DAGLB: variants seen among roughly 807,000 people sequenced by gnomAD.
The protein encoded by DAGLB is diacylglycerol lipase beta, also known as diacylglycerol lipase-beta.
A neutral mutation model predicts 72.1 loss-of-function variants in DAGLB; 66 were observed. The ratio of observed to expected loss-of-function variants is 0.92; its 90% confidence interval spans 0.75 to 1.12. The LOEUF (loss-of-function observed/expected upper bound fraction) is 1.12, where lower values mean the gene tolerates loss of function less well. Ranked by LOEUF, DAGLB falls within the 50% of genes most tolerant of loss-of-function variation. The probability of loss-of-function intolerance (pLI) is 0.00; values close to 1 mark genes in which losing one functional copy is unlikely to be tolerated. For missense variants in DAGLB, 1,065 were observed against 884.9 expected (o/e 1.20, Z -2.58); for synonymous variants, 414 against 359.5 (o/e 1.15, Z -1.71).
At position 6,423,306 on chromosome 7, in the gene DAGLB, T is replaced by C. The variant is rs893443661; in HGVS notation, c.1140+1446A>G. ...AGATGAGACTAGACAAGGACGGAGA[T>C]GGGAAGCTAGAGGACTGGGGCCAAA... On this transcript the variant is annotated intron_variant, in intron 8 of 14. Coordinates refer to ENST00000297056, the MANE Select transcript of DAGLB (RefSeq NM_139179.4). 3.3e-5 allele frequency among the ~76,000 whole-genome samples: 5 copies of C among 151,922 alleles called. No homozygotes were observed. The East Asian group carries it at 7.7e-4, about 23-fold the overall frequency.
chr7:6,422,999 A>G (rs1039720180), intron 8 of DAGLB, among the ~76,000 whole-genome samples: 1 of 152,246 alleles, frequency 6.6e-6, no homozygotes, highest in African/African-American at 2.4e-5. Context: ...CTTGGTGGAC[A>G]GGACAATGGA....
chr7:6,436,651 G>T, intron 2 of DAGLB, 118 bp from the exon 3 acceptor site: 2 of 1,261,810 alleles, frequency 1.6e-6, no homozygotes, highest in South Asian at 1.4e-5. Flanking sequence ...CCCGCCTCCT[G>T]ACTTTTTCTA....
At chr7:6,436,947 C>A (rs1348523624) in intron 2 of DAGLB, among the ~76,000 whole-genome samples, 1 of 151,790 alleles carries the variant, frequency 6.6e-6, no homozygotes, top group Non-Finnish European at 1.5e-5. Context: ...GTCAGGAGTT[C>A]GAGACCAGCC....
At chr7:6,433,755 G>T (rs757543031) in intron 4 of DAGLB, among the ~76,000 whole-genome samples, 23 of 151,798 alleles carry the variant, frequency 1.5e-4, no homozygotes, top group Non-Finnish European at 3.1e-4. Context: ...TACTCAGTAC[G>T]CTGAGGCAGG....
intron 11 of DAGLB, among the ~76,000 whole-genome samples, chr7:6,414,953 G>C: frequency 6.6e-6 from 1 of 152,000 alleles, no homozygotes. Context: ...AGGATCACTT[G>C]AGCCCAGGAG....
intron 2 of DAGLB, among the ~76,000 whole-genome samples, chr7:6,445,310 G>T (rs1372539781): frequency 6.6e-6 from 1 of 152,178 alleles, no homozygotes; most frequent in Non-Finnish European, 1.5e-5. Context: ...ATGAAGTACT[G>T]ATACATGCTA....
rs1259945394 is a variant in DAGLB at position 6,412,852 on chromosome 7, T to C, written c.1528A>G (p.Arg510Gly). Residue 510 changes from arginine to glycine, a missense_variant, in exon 13 of 15, where the codon AGA (arginine) becomes GGA (glycine). Transcript: ENST00000297056. ...TGCGCGACCACTCGCAAGATTCTTC[T>C]CTTCAGATCTTCCAAGTTGGTCACA... ...LSVTNLEDLK[R>G]RILRVVAHCN... 3 of 1,604,840 alleles carry C rather than the reference T, an allele frequency of 1.9e-6. No homozygotes were observed. The highest frequency in any genetic ancestry group is 2.2e-5 in the East Asian group (1 of 44,798).
chr7:6,421,857 G>A (rs759822332), intron 8 of DAGLB, 53 bp from the exon 9 acceptor site: 2 of 1,581,910 alleles, frequency 1.3e-6, no homozygotes, highest in Admixed American at 1.7e-5. Flanking sequence ...GGCAGGGTGG[G>A]AGAATGACAG....
chr7:6,410,627 G>A (rs1389885118), intron 13 of DAGLB, among the ~76,000 whole-genome samples: 2 of 152,172 alleles, frequency 1.3e-5, no homozygotes, highest in Non-Finnish European at 2.9e-5. Context: ...ACCATCACAC[G>A]TGGAGCAATA....
intron 9 of DAGLB, among the ~76,000 whole-genome samples, chr7:6,418,406 A>G (rs541231932): frequency 5.9e-5 from 9 of 152,150 alleles, no homozygotes; most frequent in African/African-American, 2.2e-4. Flanking sequence ...TAAAAGAAAA[A>G]AAATAAAGCC....
chr7:6,430,905 C>T (rs553855972), intron 5 of DAGLB, among the ~76,000 whole-genome samples: 104 of 152,006 alleles, frequency 6.8e-4, no homozygotes, highest in African/African-American at 2.2e-3. Flanking sequence ...CCTCTCAAGT[C>T]GTTGAGACTA....
At chr7:6,445,262 G>T (rs1784961280) in intron 2 of DAGLB, among the ~76,000 whole-genome samples, 1 of 152,180 alleles carries the variant, frequency 6.6e-6, no homozygotes, top group Admixed American at 6.6e-5. Context: ...TAAATAAAAT[G>T]TGGTCCATTC....
At chr7:6,416,547 A>C in intron 11 of DAGLB, 80 bp downstream of exon 11, 1 of 1,511,018 alleles carries the variant, frequency 6.6e-7, no homozygotes, top group East Asian at 2.3e-5. Flanking sequence ...CATCTCAGGA[A>C]AATAAAAGAA....
intron 6 of DAGLB, among the ~76,000 whole-genome samples, chr7:6,429,759 G>C (rs531726602): frequency 6.6e-6 from 1 of 152,058 alleles, no homozygotes; most frequent in South Asian, 2.1e-4. Flanking sequence ...AATTAGCCGG[G>C]TGTGGCCGGG....
chr7:6,426,884 G>C (rs1175859840), intron 6 of DAGLB, among the ~76,000 whole-genome samples: 1 of 152,182 alleles, frequency 6.6e-6, no homozygotes, highest in East Asian at 1.9e-4. Context: ...GAGGCAGGTG[G>C]ATCACCTGAA....
intron 2 of DAGLB, among the ~76,000 whole-genome samples, chr7:6,436,897 A>G (rs1414090179): frequency 6.6e-6 from 1 of 152,058 alleles, no homozygotes; most frequent in Non-Finnish European, 1.5e-5. Flanking sequence ...CTGTACTCCC[A>G]GCACTTTGGG....
At chr7:6,426,164 G>A in intron 6 of DAGLB, 50 bp from the exon 7 acceptor site, 1 of 1,607,058 alleles carries the variant, frequency 6.2e-7, no homozygotes, top group Non-Finnish European at 8.5e-7. Context: ...CACTTGGCAA[G>A]GAACGTCCAT....
At position 6,410,316 on chromosome 7, in the gene DAGLB, G is replaced by T. The variant is rs80259222; in HGVS notation, c.1634C>A (p.Thr545Lys). 2,392 of 1,614,092 alleles carry T rather than the reference G, an allele frequency of 1.5e-3. 3 individuals carry two copies. Among genetic ancestry groups the T allele is most frequent in the Non-Finnish European group, 1.9e-3 (2,217 of 1,180,022 alleles). Residue 545 changes from threonine to lysine, a missense_variant, in exon 14 of 15, where the codon ACG (threonine) becomes AAG (lysine). By Grantham distance (78) the Thr-to-Lys change is moderately conservative. Transcript: ENST00000297056. Reference protein sequence around the residue: ...LFGGNPNNLPTELDGGDQEVL... With the variant: ...LFGGNPNNLPKELDGGDQEVL... ...TTCCTGGTCGCCCCCGTCCAGCTCC[G>T]TGGGCAAGTTGTTGGGGTTTCCTCC...
chr7:6,419,163 A>G (rs1317071112), intron 9 of DAGLB, among the ~76,000 whole-genome samples: 1 of 147,342 alleles, frequency 6.8e-6, no homozygotes, highest in African/African-American at 2.5e-5. Flanking sequence ...CTGGAATTAC[A>G]GGCACTCACC....
Sources: gnomAD v4.1 joint callset for allele counts (sites outside exome capture counted in the v4.1 genomes callset) on GRCh38, gnomAD v4.1.1 for gene constraint, MANE v1.5 for transcripts, NCBI Gene and HGNC (gene_info 2026-07-23, HGNC 2026-07-21) for gene names.